The following METTL24 variants were observed in gnomAD, a reference collection of about 807,000 sequenced individuals.
METTL24 encodes methyltransferase like 24.
Under a neutral mutation model 32.7 loss-of-function variants are expected in METTL24, and 29 were observed. That is an observed-to-expected ratio of 0.89 (90% confidence interval 0.66 to 1.21). The LOEUF is 1.21. METTL24 is among the 50% of genes most tolerant of loss of function. METTL24 has a pLI of 0.00. For missense variants in METTL24, 439 were observed against 468.1 expected (o/e 0.94, Z 0.57); for synonymous variants, 163 against 179.5 (o/e 0.91, Z 0.73).
intron 1 of METTL24, among the ~76,000 whole-genome samples, chr6:110,348,302 A>G (rs1386950670): frequency 1.3e-5 from 2 of 152,260 alleles, no homozygotes; most frequent in Admixed American, 1.3e-4. Flanking sequence ...AGCAGAATTT[A>G]AACTGCTGAC....
At chr6:110,323,341 AT>A (rs1455624778) in intron 1 of METTL24, among the ~76,000 whole-genome samples, 1 of 152,178 alleles carries the variant, frequency 6.6e-6, no homozygotes, top group Non-Finnish European at 1.5e-5. Flanking sequence ...GCATTTGTTT[AT>A]CTTCCTCAGT....
intron 1 of METTL24, among the ~76,000 whole-genome samples, chr6:110,348,091 G>C (rs1012173524): frequency 1.3e-5 from 2 of 152,210 alleles, no homozygotes; most frequent in Non-Finnish European, 1.5e-5. Flanking sequence ...CAGTGCCCCA[G>C]CTGGAAACAC....
intron 1 of METTL24, among the ~76,000 whole-genome samples, chr6:110,354,739 C>T (rs182774787): frequency 6.6e-6 from 1 of 152,298 alleles, no homozygotes; most frequent in East Asian, 1.9e-4. Context: ...GATTAGATAA[C>T]TGATCTTTCT....
At chr6:110,352,099 G>A (rs969820611) in intron 1 of METTL24, among the ~76,000 whole-genome samples, 5 of 151,982 alleles carry the variant, frequency 3.3e-5, no homozygotes, top group Non-Finnish European at 7.4e-5. Flanking sequence ...ATTCCCCTAC[G>A]ATCTTACCCT....
At chr6:110,249,091 G>A (rs1238384937) in intron 4 of METTL24, among the ~76,000 whole-genome samples, 1 of 151,850 alleles carries the variant, frequency 6.6e-6, no homozygotes, top group African/African-American at 2.4e-5. Flanking sequence ...ATACATCGAA[G>A]TATTAAAAAG....
At chr6:110,325,834 G>T (rs535921929) in intron 1 of METTL24, among the ~76,000 whole-genome samples, 1 of 152,318 alleles carries the variant, frequency 6.6e-6, no homozygotes, top group Non-Finnish European at 1.5e-5. Context: ...CACCCCAGAA[G>T]AGGAGAGGCC....
At chr6:110,285,404 A>G (rs1771203243) in intron 4 of METTL24, among the ~76,000 whole-genome samples, 1 of 152,080 alleles carries the variant, frequency 6.6e-6, no homozygotes, top group South Asian at 2.1e-4. Flanking sequence ...ATCAGGTTTT[A>G]CCTCCGAATG....
At position 110,298,973 on chromosome 6, in the gene METTL24, A is replaced by T; in HGVS notation, c.735T>A (p.His245Gln). The change falls in exon 4 of 5, where the codon CAT becomes CAA. Residue 245 changes from histidine to glutamine, a missense_variant. By Grantham distance (24) the His-to-Gln change is conservative. Coordinates refer to ENST00000338882, the MANE Select transcript of METTL24 (RefSeq NM_001123364.3). Reference protein sequence around the residue: ...PHPAVAAQKPHSNTRKLGSIL... With the variant: ...PHPAVAAQKPQSNTRKLGSIL... Reference sequence around the variant, plus strand: ...TGCTTCCCAGTTTTCTGGTGTTGCTATGTGGTTTTTGGGCAGCAACAGCTG... The same window carrying T: ...TGCTTCCCAGTTTTCTGGTGTTGCTTTGTGGTTTTTGGGCAGCAACAGCTG... 1 of 1,614,132 alleles carries T rather than the reference A, an allele frequency of 6.2e-7. No homozygotes were observed. Among genetic ancestry groups the T allele is most frequent in the Non-Finnish European group, 8.5e-7 (1 of 1,180,028 alleles).
rs1363312170 is a variant in METTL24, at chr6:110,244,091, A to G, written c.*1855T>C. 6.6e-6 allele frequency among the ~76,000 whole-genome samples: 1 copy of G among 152,220 alleles called. No individual in the cohort carries two copies. The highest frequency in any genetic ancestry group is 1.5e-5 in the Non-Finnish European group (1 of 68,034). On this transcript the variant is annotated 3_prime_UTR_variant, in exon 5 of 5. Transcript: ENST00000338882. Reference sequence around the variant, plus strand: ...TAGAAAGGATCGGTGCTATTGAAAAACTGTCTAACTATCCTACGAAAGTGA... The same window carrying G: ...TAGAAAGGATCGGTGCTATTGAAAAGCTGTCTAACTATCCTACGAAAGTGA...
chr6:110,320,940 T>TA (rs796643033), intron 2 of METTL24, among the ~76,000 whole-genome samples: 18 of 148,806 alleles, frequency 1.2e-4, no homozygotes, highest in Admixed American at 2.0e-4. Flanking sequence ...GAGGATGCTT[T>TA]AAAAAAAAAA....
chr6:110,354,145 T>C (rs927152245), intron 1 of METTL24, among the ~76,000 whole-genome samples: 3 of 152,328 alleles, frequency 2.0e-5, no homozygotes, highest in South Asian at 4.1e-4. Context: ...TCATCTATCA[T>C]TGGCTCTCAT....
At chr6:110,351,978 G>A (rs535440922) in intron 1 of METTL24, among the ~76,000 whole-genome samples, 1 of 152,130 alleles carries the variant, frequency 6.6e-6, no homozygotes, top group Non-Finnish European at 1.5e-5. Flanking sequence ...AATTATTATA[G>A]GCACATACAG....
chr6:110,249,760 G>T (rs1778238406), intron 4 of METTL24, among the ~76,000 whole-genome samples: 1 of 151,890 alleles, frequency 6.6e-6, no homozygotes, highest in African/African-American at 2.4e-5. Flanking sequence ...ATACAGTTAG[G>T]ATAAATCAGG....
intron 4 of METTL24, among the ~76,000 whole-genome samples, chr6:110,295,017 T>C (rs1188839734): frequency 8.8e-5 from 11 of 124,508 alleles, no homozygotes; most frequent in Non-Finnish European, 1.8e-4. Flanking sequence ...TTCTTTCTTT[T>C]TTTTTTTTTT....
At chr6:110,252,358 C>T (rs1778297291) in intron 4 of METTL24, among the ~76,000 whole-genome samples, 1 of 152,214 alleles carries the variant, frequency 6.6e-6, no homozygotes, top group Admixed American at 6.5e-5. Context: ...TGCCTTGTCC[C>T]TGTGGCCTTT....
At chr6:110,356,756 G>C (rs540246826) in intron 1 of METTL24, among the ~76,000 whole-genome samples, 76 of 152,334 alleles carry the variant, frequency 5.0e-4, no homozygotes, top group African/African-American at 1.7e-3. Flanking sequence ...GCTTTCTTCT[G>C]GAAGATCTAA....
At chr6:110,297,006 C>T (rs753276143) in intron 4 of METTL24, among the ~76,000 whole-genome samples, 9 of 151,592 alleles carry the variant, frequency 5.9e-5, no homozygotes, top group Non-Finnish European at 1.0e-4. Flanking sequence ...TTAAAGCATT[C>T]ACCAAAAAAA....
chr6:110,327,556 T>A lies in METTL24; in HGVS notation c.319-4684A>T, dbSNP rs1772037511. ...GAAGTGCTCTGGCTTAATGCTTTGG[T>A]TGAGCTGTTTAAAAAACATTTCACA... On this transcript the variant is annotated intron_variant, in intron 1 of 4. Coordinates refer to ENST00000338882, the MANE Select transcript of METTL24 (RefSeq NM_001123364.3). Among the ~76,000 whole-genome samples, 2 of 152,236 alleles carry A rather than the reference T, an allele frequency of 1.3e-5. 1 individual carries two copies. The highest frequency in any genetic ancestry group is 4.1e-4 in the South Asian group (2 of 4,832).
At chr6:110,355,076 C>A (rs923739185) in intron 1 of METTL24, among the ~76,000 whole-genome samples, 3 of 152,144 alleles carry the variant, frequency 2.0e-5, no homozygotes, top group African/African-American at 7.2e-5. Flanking sequence ...GAAATACAAT[C>A]CTTCCCATCA....
Sources: gnomAD v4.1 joint callset for allele counts (sites outside exome capture counted in the v4.1 genomes callset) on GRCh38, gnomAD v4.1.1 for gene constraint, MANE v1.5 for transcripts, NCBI Gene and HGNC (gene_info 2026-07-23, HGNC 2026-07-21) for gene names.